Variants in DAB1 observed in about 807,000 individuals in gnomAD.
The protein encoded by DAB1 is DAB adaptor protein 1.
Under a neutral mutation model 64.6 loss-of-function variants are expected in DAB1, and 15 were observed. That is an observed-to-expected ratio of 0.23 (90% CI 0.16 to 0.36). DAB1 has a LOEUF of 0.36. Among genes scored for constraint, DAB1 ranks in the 10% least tolerant of loss-of-function variants. The probability of loss-of-function intolerance (pLI) is 1.00; values close to 1 mark genes in which losing one functional copy is unlikely to be tolerated. For missense variants in DAB1, 596 were observed against 706.7 expected, an observed-to-expected ratio of 0.84 and a Z score of 1.78; for synonymous variants, 235 against 251.9, an observed-to-expected ratio of 0.93 and a Z score of 0.64.
At chr1:58,186,472 C>T (rs573240162) in intron 4 of DAB1, among the ~76,000 whole-genome samples, 1 of 152,190 alleles carries the variant, frequency 6.6e-6, no homozygotes, top group South Asian at 2.1e-4. Context: ...GTGAAAGTAA[C>T]TAATAAACTC....
At chr1:57,800,701 AC>A (rs1362950358) in intron 6 of DAB1, among the ~76,000 whole-genome samples, 1 of 152,176 alleles carries the variant, frequency 6.6e-6, no homozygotes, top group African/African-American at 2.4e-5. Flanking sequence ...ATTAATGGCA[AC>A]CTACATCTAA....
At chr1:57,663,131 AT>A (rs1222619298) in intron 6 of DAB1, among the ~76,000 whole-genome samples, 1 of 152,178 alleles carries the variant, frequency 6.6e-6, no homozygotes, top group African/African-American at 2.4e-5. Flanking sequence ...AAAACTTGCA[AT>A]CATGACTGAA....
intron 7 of DAB1, among the ~76,000 whole-genome samples, chr1:57,499,833 G>A (rs1407564922): frequency 6.6e-6 from 1 of 152,120 alleles, no homozygotes; most frequent in African/African-American, 2.4e-5. Flanking sequence ...GCTTACCTGG[G>A]TCAATTTTGT....
chr1:57,934,687 C>A (rs1645001316), intron 5 of DAB1, among the ~76,000 whole-genome samples: 1 of 152,090 alleles, frequency 6.6e-6, no homozygotes, highest in South Asian at 2.1e-4. Flanking sequence ...CCTGATGAAC[C>A]CAGGATCTGA....
At chr1:58,244,159 G>A (rs965627131) in intron 4 of DAB1, among the ~76,000 whole-genome samples, 3 of 152,192 alleles carry the variant, frequency 2.0e-5, no homozygotes, top group South Asian at 2.1e-4. Flanking sequence ...ATGGAAATAC[G>A]GGATTGTTTT....
intron 3 of DAB1, among the ~76,000 whole-genome samples, chr1:58,453,213 G>T (rs140837421): frequency 3.3e-5 from 5 of 152,238 alleles, no homozygotes; most frequent in East Asian, 3.9e-4. Flanking sequence ...TGATCACCGG[G>T]GGGTAGAGGT....
At chr1:57,200,455 G>A (rs1664997366) in intron 2 of DAB1, among the ~76,000 whole-genome samples, 1 of 152,334 alleles carries the variant, frequency 6.6e-6, no homozygotes, top group Admixed American at 6.5e-5. Flanking sequence ...GGTGCTATGT[G>A]TTATGTAGTA....
intron 2 of DAB1, among the ~76,000 whole-genome samples, chr1:57,245,037 A>G (rs1469045310): frequency 6.6e-6 from 1 of 152,228 alleles, no homozygotes; most frequent in Non-Finnish European, 1.5e-5. Flanking sequence ...AGACAGGGAA[A>G]TGTGGGAAAG....
At chr1:58,075,940 C>G (rs1404076914) in intron 5 of DAB1, among the ~76,000 whole-genome samples, 2 of 150,992 alleles carry the variant, frequency 1.3e-5, no homozygotes, top group Non-Finnish European at 3.0e-5. Flanking sequence ...CTCTCTCTCT[C>G]TCTCACAGGC....
At chr1:57,438,077 ATTGT>A (rs1685763371) in intron 7 of DAB1, among the ~76,000 whole-genome samples, 2 of 152,134 alleles carry the variant, frequency 1.3e-5, no homozygotes, top group Non-Finnish European at 2.9e-5. Context: ...TCTGCTTTGC[ATTGT>A]TTAAGCAACA....
intron 3 of DAB1, among the ~76,000 whole-genome samples, chr1:58,500,592 TAAAG>T (rs1645890645): frequency 6.6e-6 from 1 of 152,208 alleles, no homozygotes. Context: ...GTGAATTTGA[TAAAG>T]ATTTTTTTAA....
chr1:57,222,821 C>A (rs1428631543), intron 2 of DAB1, among the ~76,000 whole-genome samples: 2 of 152,192 alleles, frequency 1.3e-5, no homozygotes, highest in Non-Finnish European at 2.9e-5. Flanking sequence ...ATGAAGGAAT[C>A]ATGTCTTCAT....
intron 5 of DAB1, among the ~76,000 whole-genome samples, chr1:57,923,943 A>T (rs1459312493): frequency 6.6e-6 from 1 of 152,236 alleles, no homozygotes; most frequent in African/African-American, 2.4e-5. Flanking sequence ...ATTAGAAAGA[A>T]ACACTTATAA....
intron 5 of DAB1, among the ~76,000 whole-genome samples, chr1:58,091,932 T>C (rs1650682612): frequency 9.8e-6 from 1 of 102,398 alleles, no homozygotes; most frequent in Middle Eastern, 4.5e-3. Flanking sequence ...TTGAGCTGCA[T>C]TAAACACACA....
intron 4 of DAB1, among the ~76,000 whole-genome samples, chr1:57,080,330 C>A (rs1652381295): frequency 6.6e-6 from 1 of 152,170 alleles, no homozygotes; most frequent in African/African-American, 2.4e-5. Flanking sequence ...GTGTCCAGGT[C>A]TCTCTCTGAA....
intron 7 of DAB1, chr1:57,606,328 GATTTGC>G (rs1336914166): frequency 1.4e-5 from 2 of 140,670 alleles, no homozygotes; most frequent in Non-Finnish European, 3.0e-5. Context: ...CTCAAAGAGC[GATTTGC>G]ATTCTTATCT....
At chr1:57,911,162 G>C (rs530139854) in intron 5 of DAB1, among the ~76,000 whole-genome samples, 2 of 152,336 alleles carry the variant, frequency 1.3e-5, no homozygotes, top group South Asian at 4.1e-4. Context: ...GCCATGGAAT[G>C]GATAACCACT....
At chr1:57,440,487 A>C (rs1685899299) in intron 7 of DAB1, among the ~76,000 whole-genome samples, 1 of 152,164 alleles carries the variant, frequency 6.6e-6, no homozygotes, top group Non-Finnish European at 1.5e-5. Flanking sequence ...AGGGCTTGTG[A>C]AGAAAGACAG....
At chr1:58,146,956 G>A (rs1654630961) in intron 5 of DAB1, among the ~76,000 whole-genome samples, 1 of 152,116 alleles carries the variant, frequency 6.6e-6, no homozygotes, top group Admixed American at 6.5e-5. Context: ...AATAGTAAGT[G>A]TTGACAAGGA....
Sources: gnomAD v4.1 joint callset for allele counts (sites outside exome capture counted in the v4.1 genomes callset) on GRCh38, gnomAD v4.1.1 for gene constraint, MANE v1.5 for transcripts, NCBI Gene and HGNC (gene_info 2026-07-23, HGNC 2026-07-21) for gene names.